CCSER1: variants seen among roughly 807,000 people sequenced by gnomAD.
The protein encoded by CCSER1 is coiled-coil serine rich protein 1.
CCSER1 carries 41 observed loss-of-function variants against 82.0 expected under a neutral mutation model. The observed-to-expected ratio is 0.50, with a 90% CI of 0.39 to 0.65. The LOEUF (loss-of-function observed/expected upper bound fraction) is 0.65. Among genes scored for constraint, CCSER1 ranks in the 30% least tolerant of loss-of-function variants. The pLI, the probability that CCSER1 is intolerant of heterozygous loss-of-function variation, is 0.00. For missense variants in CCSER1, 1,119 were observed against 1,064.2 expected (o/e 1.05, Z -0.72); for synonymous variants, 414 against 383.9 (o/e 1.08, Z -0.92).
chr4:91,116,669 A>G (rs760665457), intron 10 of CCSER1, among the ~76,000 whole-genome samples: 32 of 152,306 alleles, frequency 2.1e-4, no homozygotes, highest in Non-Finnish European at 2.5e-4. Flanking sequence ...TGGTGGTGCT[A>G]CTGCTGTTTT....
intron 10 of CCSER1, among the ~76,000 whole-genome samples, chr4:91,104,540 C>T (rs1725414160): frequency 1.3e-5 from 2 of 152,162 alleles, no homozygotes; most frequent in South Asian, 4.1e-4. Flanking sequence ...CAGTAAGAGA[C>T]TTTCAGTCTT....
At chr4:90,991,417 C>T (rs2150447319) in intron 9 of CCSER1, among the ~76,000 whole-genome samples, 1 of 152,000 alleles carries the variant, frequency 6.6e-6, no homozygotes, top group Admixed American at 6.6e-5. Flanking sequence ...AAAGAGAAAT[C>T]CTTCTTTGTG....
intron 10 of CCSER1, among the ~76,000 whole-genome samples, chr4:91,343,082 T>C (rs571330697): frequency 1.6e-3 from 239 of 152,164 alleles, no homozygotes; most frequent in African/African-American, 5.5e-3. Context: ...TAAATACATG[T>C]TACAAATTTA....
intron 10 of CCSER1, among the ~76,000 whole-genome samples, chr4:91,390,149 G>A (rs1179079531): frequency 6.6e-6 from 1 of 151,960 alleles, no homozygotes; most frequent in Non-Finnish European, 1.5e-5. Context: ...TAAGCCTGAT[G>A]TTAGCTGTAG....
chr4:90,147,515 T>G (rs557241509), intron 1 of CCSER1, among the ~76,000 whole-genome samples: 2 of 152,292 alleles, frequency 1.3e-5, no homozygotes, highest in African/African-American at 4.8e-5. Context: ...TCAAGTACCT[T>G]ACAGGCTATT....
At position 91,590,956 on chromosome 4, in the gene CCSER1, A is replaced by AT. The variant is rs573606012; in HGVS notation, c.2218-7611dup. Among the ~76,000 whole-genome samples the AT allele has an allele frequency of 8.8e-4, 134 of 152,234 alleles. 2 individuals carry two copies. Among genetic ancestry groups the AT allele is most frequent in the Non-Finnish European group, 1.0e-3 (68 of 68,004 alleles). On this transcript the variant is annotated intron_variant, in intron 10 of 10. Transcript: ENST00000509176. ...TTTCTTGATATGTATATCACTGATC[A>AT]TTTTTATCTGTTTAATTTAAGGAAG...
chr4:91,465,893 G>C (rs1001804642), intron 10 of CCSER1, among the ~76,000 whole-genome samples: 1 of 152,158 alleles, frequency 6.6e-6, no homozygotes, highest in Non-Finnish European at 1.5e-5. Flanking sequence ...TCCAGGACCA[G>C]ATGGATTCAC....
At chr4:90,862,651 A>G (rs547221292) in intron 8 of CCSER1, among the ~76,000 whole-genome samples, 27 of 152,062 alleles carry the variant, frequency 1.8e-4, no homozygotes, top group African/African-American at 6.3e-4. Context: ...AGGACAATGT[A>G]ACAGAGGACA....
chr4:90,860,536 C>T (rs980214233), intron 8 of CCSER1, among the ~76,000 whole-genome samples: 1 of 151,534 alleles, frequency 6.6e-6, no homozygotes, highest in Non-Finnish European at 1.5e-5. Flanking sequence ...TCGGTCTATA[C>T]CCAAGATAAG....
intron 6 of CCSER1, among the ~76,000 whole-genome samples, chr4:90,640,914 T>C (rs1726393380): frequency 6.6e-6 from 1 of 152,108 alleles, no homozygotes; most frequent in Non-Finnish European, 1.5e-5. Flanking sequence ...CAGTTCTTTA[T>C]AGCAGTATGA....
At chr4:91,448,327 A>G (rs1447205610) in intron 10 of CCSER1, among the ~76,000 whole-genome samples, 3 of 152,072 alleles carry the variant, frequency 2.0e-5, no homozygotes, top group Admixed American at 6.6e-5. Context: ...TCTTCTTTAA[A>G]TGTATGAAGC....
intron 8 of CCSER1, among the ~76,000 whole-genome samples, chr4:90,885,322 T>C (rs1171168566): frequency 6.6e-6 from 1 of 152,152 alleles, no homozygotes; most frequent in Admixed American, 6.6e-5. Context: ...CCAACATGTA[T>C]GATTTTGTAT....
intron 6 of CCSER1, among the ~76,000 whole-genome samples, chr4:90,664,978 C>T (rs1372276592): frequency 6.6e-6 from 1 of 152,104 alleles, no homozygotes; most frequent in East Asian, 1.9e-4. Flanking sequence ...AATTTTAGTT[C>T]TGTGGAAAAG....
At chr4:91,592,499 G>A (rs199553449) in intron 10 of CCSER1, among the ~76,000 whole-genome samples, 2 of 151,996 alleles carry the variant, frequency 1.3e-5, no homozygotes, top group African/African-American at 4.8e-5. Context: ...TAACCTGCAG[G>A]TCTCATTAAT....
At chr4:91,396,174 G>A (rs1751969472) in intron 10 of CCSER1, among the ~76,000 whole-genome samples, 1 of 152,068 alleles carries the variant, frequency 6.6e-6, no homozygotes, top group African/African-American at 2.4e-5. Flanking sequence ...AGTTATTATT[G>A]ACCTGTTTTC....
chr4:90,635,164 G>GA (rs1725193765), intron 6 of CCSER1, among the ~76,000 whole-genome samples: 2 of 151,590 alleles, frequency 1.3e-5, no homozygotes, highest in South Asian at 2.1e-4. Context: ...GCAACTAAAT[G>GA]AAAAAATCAG....
chr4:90,806,163 G>T (rs1324474592), intron 7 of CCSER1, among the ~76,000 whole-genome samples: 1 of 152,164 alleles, frequency 6.6e-6, no homozygotes, highest in Non-Finnish European at 1.5e-5. Flanking sequence ...AAGACAAAAT[G>T]CTGGGTAGCA....
At chr4:90,583,083 C>T (rs569739246) in intron 5 of CCSER1, among the ~76,000 whole-genome samples, 1 of 152,204 alleles carries the variant, frequency 6.6e-6, no homozygotes, top group East Asian at 1.9e-4. Flanking sequence ...TCAAATTAAC[C>T]ACACCTACTA....
At position 90,369,340 on chromosome 4, in the gene CCSER1, G is replaced by GA. The variant is rs1561111494; in HGVS notation, c.1510-30694dup. ...GAGGATGAGGAGGAAGAAAGAAGAA[G>GA]AAGAAAGAAAAGAGGAGGAAAAGGA... On this transcript the variant is annotated intron_variant, in intron 3 of 10. Transcript: ENST00000509176. Among the ~76,000 whole-genome samples, 390 of 124,864 alleles carry GA rather than the reference G, an allele frequency of 3.1e-3. 38 individuals are homozygous for GA. Among genetic ancestry groups the GA allele is most frequent in the Middle Eastern group, 8.4e-3 (2 of 238 alleles). 81.9% of individuals were successfully genotyped at this position (124,864 alleles called of 152,430 possible). A position where few individuals can be genotyped will look rare whatever the true frequency, so the allele number is the denominator to read the frequency against.
Sources: allele counts gnomAD v4.1 joint callset (sites outside exome capture counted in the v4.1 genomes callset), GRCh38; gene constraint gnomAD v4.1.1; transcripts MANE v1.5; gene names NCBI Gene and HGNC (gene_info 2026-07-23, HGNC 2026-07-21).